Variants in C8orf34 observed in about 807,000 individuals in gnomAD.
The protein encoded by C8orf34 is chromosome 8 open reading frame 34.
Under a neutral mutation model 68.3 loss-of-function variants are expected in C8orf34, and 65 were observed. The observed-to-expected ratio is 0.95, with a 90% confidence interval of 0.78 to 1.17. The LOEUF is 1.17. Among genes scored for constraint, C8orf34 ranks in the 50% most tolerant of loss-of-function variants. The pLI is 0.00. For synonymous variants in C8orf34, 244 were observed against 241.2 expected, an observed-to-expected ratio of 1.01 and a Z score of -0.11; for missense variants, 664 against 655.4, an observed-to-expected ratio of 1.01 and a Z score of -0.14.
At chr8:68,440,546 C>G (rs146352942) in intron 2 of C8orf34, among the ~76,000 whole-genome samples, 2 of 152,038 alleles carry the variant, frequency 1.3e-5, no homozygotes, top group Non-Finnish European at 2.9e-5. Flanking sequence ...AAGTTATTTG[C>G]GTCATATAGG....
At chr8:68,704,558 A>G (rs915766884) in intron 8 of C8orf34, among the ~76,000 whole-genome samples, 2 of 152,136 alleles carry the variant, frequency 1.3e-5, no homozygotes, top group Non-Finnish European at 2.9e-5. Flanking sequence ...TGAGAAGCCA[A>G]TAAAAATGGT....
At chr8:68,341,434 T>C (rs1357061483) in intron 1 of C8orf34, among the ~76,000 whole-genome samples, 1 of 152,130 alleles carries the variant, frequency 6.6e-6, no homozygotes, top group African/African-American at 2.4e-5. Flanking sequence ...TGATGTCACA[T>C]ATATGGGAAA....
chr8:68,709,903 T>C (rs1821283477), intron 9 of C8orf34, among the ~76,000 whole-genome samples: 1 of 152,076 alleles, frequency 6.6e-6, no homozygotes, highest in South Asian at 2.1e-4. Context: ...GTCAGCATAA[T>C]AGCAAAACAC....
At chr8:68,661,605 T>A (rs1256128139) in intron 8 of C8orf34, among the ~76,000 whole-genome samples, 1 of 152,196 alleles carries the variant, frequency 6.6e-6, no homozygotes, top group African/African-American at 2.4e-5. Flanking sequence ...ACCAGGGCTT[T>A]TATATATAAG....
chr8:68,754,510 A>C (rs1822796753), intron 10 of C8orf34, among the ~76,000 whole-genome samples: 1 of 152,216 alleles, frequency 6.6e-6, no homozygotes, highest in African/African-American at 2.4e-5. Flanking sequence ...AGGCCAAAGA[A>C]GACATTAAGT....
At chr8:68,650,471 C>T (rs1470331647) in intron 8 of C8orf34, among the ~76,000 whole-genome samples, 2 of 150,692 alleles carry the variant, frequency 1.3e-5, no homozygotes, top group African/African-American at 2.5e-5. Flanking sequence ...GCCGCCCCAC[C>T]CTAGTCTTTT....
chr8:68,472,629 C>T (rs1348706564), intron 4 of C8orf34, among the ~76,000 whole-genome samples: 1 of 152,102 alleles, frequency 6.6e-6, no homozygotes, highest in Non-Finnish European at 1.5e-5. Context: ...TTATAGCATG[C>T]TTCAGCTAAG....
At chr8:68,789,926 T>C (rs1270124518) in intron 12 of C8orf34, among the ~76,000 whole-genome samples, 1 of 152,184 alleles carries the variant, frequency 6.6e-6, no homozygotes, top group African/African-American at 2.4e-5. Context: ...CTTGTAACCA[T>C]AGAACTAGAA....
intron 1 of C8orf34, among the ~76,000 whole-genome samples, chr8:68,374,660 C>G (rs1807713068): frequency 6.6e-6 from 1 of 152,084 alleles, no homozygotes; most frequent in Non-Finnish European, 1.5e-5. Context: ...ATATACTAAC[C>G]AACCAGAAAG....
chr8:68,728,388 C>T (rs1013187232), intron 10 of C8orf34, among the ~76,000 whole-genome samples: 1 of 152,226 alleles, frequency 6.6e-6, no homozygotes, highest in African/African-American at 2.4e-5. Context: ...TTCCTGTCTT[C>T]TTCTGAGCCC....
intron 4 of C8orf34, among the ~76,000 whole-genome samples, chr8:68,471,086 G>C (rs1008390962): frequency 2.0e-5 from 3 of 152,008 alleles, no homozygotes; most frequent in Admixed American, 2.0e-4. Context: ...TAAAATAAGG[G>C]CCAGAAAAGC....
Position 68,468,697 on chromosome 8 carries a change from A to C in C8orf34, c.613A>C (p.Arg205=), listed in dbSNP as rs1812250838. 2 of 1,609,720 alleles carry C rather than the reference A, an allele frequency of 1.2e-6. No homozygotes were observed. Among genetic ancestry groups the C allele is most frequent in the Non-Finnish European group, 1.7e-6 (2 of 1,178,246 alleles). Residue 205 remains arginine, a synonymous_variant, in exon 4 of 14, where the codon AGG becomes CGG. Coordinates refer to ENST00000518698, the MANE Select transcript of C8orf34 (RefSeq NM_052958.4). ...PPSPDSKSLP[R]SVEHPKWNWR... Reference sequence around the variant, plus strand: ...ACCATTTTTTTTAAACATAGTGCCAAGGTCAGTAGAGCATCCAAAGTGGAA... The same window carrying C: ...ACCATTTTTTTTAAACATAGTGCCACGGTCAGTAGAGCATCCAAAGTGGAA...
chr8:68,544,848 T>C (rs1353943108), intron 7 of C8orf34, among the ~76,000 whole-genome samples: 1 of 151,874 alleles, frequency 6.6e-6, no homozygotes, highest in Non-Finnish European at 1.5e-5. Context: ...ATAATTCAAA[T>C]TGAAAAGCAA....
intron 12 of C8orf34, among the ~76,000 whole-genome samples, chr8:68,794,601 G>A (rs1824125830): frequency 6.8e-6 from 1 of 147,166 alleles, no homozygotes; most frequent in Non-Finnish European, 1.5e-5. Context: ...ACCTTCTGGG[G>A]CCAAGTGATT....
chr8:68,704,179 C>T (rs1055278101), intron 8 of C8orf34, among the ~76,000 whole-genome samples: 7 of 152,120 alleles, frequency 4.6e-5, no homozygotes, highest in Admixed American at 3.9e-4. Flanking sequence ...CAGACATCTA[C>T]ATAAATAATT....
At chr8:68,758,374 A>G (rs58399889) in intron 10 of C8orf34, among the ~76,000 whole-genome samples, 65,451 of 151,988 alleles carry the variant, frequency 0.43, 15,124 homozygotes, top group African/African-American at 0.59. Context: ...TATAACAGCA[A>G]ATTCTCAAGC....
chr8:68,619,613 A>T, intron 7 of C8orf34, among the ~76,000 whole-genome samples: 1 of 152,220 alleles, frequency 6.6e-6, no homozygotes, highest in Non-Finnish European at 1.5e-5. Flanking sequence ...ACCATCTAAA[A>T]TAAGGAGGTT....
intron 1 of C8orf34, among the ~76,000 whole-genome samples, chr8:68,362,606 A>G (rs1432307012): frequency 2.0e-5 from 3 of 152,198 alleles, no homozygotes; most frequent in Non-Finnish European, 4.4e-5. Context: ...GAGCAGCCTA[A>G]CTGGGAGGCA....
Position 68,567,577 on chromosome 8 carries a change from C to CTTTTTTTTTTTTTTTTTT in C8orf34, c.1105+34446_1105+34463dup, listed in dbSNP as rs1160845483. Among the ~76,000 whole-genome samples the CTTTTTTTTTTTTTTTTTT allele has an allele frequency of 4.7e-4, 14 of 29,796 alleles. 2 individuals carry two copies. The highest frequency in any genetic ancestry group is 3.1e-3 in the East Asian group (2 of 644). 19.5% of individuals were successfully genotyped at this position (29,796 alleles called of 152,430 possible). A position where few individuals can be genotyped will look rare whatever the true frequency, so the allele number is the denominator to read the frequency against. On this transcript the variant is annotated intron_variant, in intron 7 of 13. Coordinates refer to ENST00000518698, the MANE Select transcript of C8orf34 (RefSeq NM_052958.4). The stretch of plus-strand genomic sequence containing the variant: ...TCTTTTCAAATTTTGTTTCATTTAT[C>CTTTTTTTTTTTTTTTTTT]TTTTTTTTTTTTTTTTTTTTTTTTT...
Sources: allele counts gnomAD v4.1 joint callset (sites outside exome capture counted in the v4.1 genomes callset), GRCh38; gene constraint gnomAD v4.1.1; transcripts MANE v1.5; gene names NCBI Gene and HGNC (gene_info 2026-07-23, HGNC 2026-07-21).